FOCAD: variants seen among roughly 807,000 people sequenced by gnomAD.
FOCAD encodes KIAA1797.
In FOCAD, 198 loss-of-function variants were observed where a neutral mutation model predicts 225.6. That is an observed-to-expected ratio of 0.88 (90% confidence interval 0.78 to 0.99). FOCAD has a LOEUF of 0.99. Ranked by LOEUF, FOCAD falls within the 50% of genes least tolerant of loss-of-function variation. FOCAD has a pLI of 0.00. For synonymous variants in FOCAD, 897 were observed against 755.0 expected, an observed-to-expected ratio of 1.19 and a Z score of -3.08; for missense variants, 2,713 against 2,123.6, an observed-to-expected ratio of 1.28 and a Z score of -5.46.
chr9:20,949,626 C>T lies in FOCAD; in HGVS notation c.3899C>T (p.Thr1300Ile). 6.2e-7 allele frequency: 1 copy of T among 1,613,184 alleles called. No homozygotes were observed. ...CAGCTGAAATCAGAAGCCATCCAGACCTCTCATTTTCAAGGCAGACTTAAT... is the reference window on the plus strand; with the variant it reads ...CAGCTGAAATCAGAAGCCATCCAGATCTCTCATTTTCAAGGCAGACTTAAT... ...VMQLKSEAIQ[T>I]SHFQGRLNEV... The change falls in exon 33 of 44, where the codon ACC becomes ATC. Residue 1300 changes from threonine (T) to isoleucine (I), a missense_variant. Coordinates refer to ENST00000338382, the MANE Select transcript of FOCAD (RefSeq NM_001375567.1).
intron 18 of FOCAD, among the ~76,000 whole-genome samples, chr9:20,869,978 A>G (rs1293064764): frequency 1.3e-5 from 2 of 152,162 alleles, no homozygotes; most frequent in African/African-American, 4.8e-5. Flanking sequence ...TATAAAAGCT[A>G]GTTACACTTC....
At chr9:20,922,436 C>T (rs1007895557) in intron 24 of FOCAD, among the ~76,000 whole-genome samples, 6 of 152,062 alleles carry the variant, frequency 3.9e-5, no homozygotes, top group Admixed American at 1.3e-4. Flanking sequence ...GAAGGATGGG[C>T]GAATAGATAG....
At chr9:20,741,563 T>C (rs1827614344) in intron 5 of FOCAD, among the ~76,000 whole-genome samples, 1 of 152,032 alleles carries the variant, frequency 6.6e-6, no homozygotes, top group Non-Finnish European at 1.5e-5. Flanking sequence ...AAGAATGTGG[T>C]ACAATGAATT....
At chr9:20,710,075 C>T (rs2131467333) in intron 1 of FOCAD, among the ~76,000 whole-genome samples, 2 of 152,228 alleles carry the variant, frequency 1.3e-5, no homozygotes, top group Middle Eastern at 6.8e-3. Flanking sequence ...CCCACATCTT[C>T]TTCTGTATAG....
intron 39 of FOCAD, among the ~76,000 whole-genome samples, chr9:20,982,978 G>T (rs752522152): frequency 1.3e-5 from 2 of 152,160 alleles, no homozygotes; most frequent in African/African-American, 2.4e-5. Context: ...TAATACCAAT[G>T]GTCTAGAGAA....
At chr9:20,844,194 G>A (rs1826834950) in intron 15 of FOCAD, among the ~76,000 whole-genome samples, 1 of 151,810 alleles carries the variant, frequency 6.6e-6, no homozygotes, top group Admixed American at 6.6e-5. Flanking sequence ...CACCCAGATG[G>A]CCATTTAGCC....
At chr9:20,794,542 ACT>A (rs1820859406) in intron 11 of FOCAD, among the ~76,000 whole-genome samples, 1 of 152,004 alleles carries the variant, frequency 6.6e-6, no homozygotes, top group Non-Finnish European at 1.5e-5. Context: ...ACACCAGAAA[ACT>A]CTTTCCCTGA....
chr9:20,721,968 T>C (rs1825815320), intron 4 of FOCAD, among the ~76,000 whole-genome samples: 1 of 26,688 alleles, frequency 3.7e-5, no homozygotes, highest in Non-Finnish European at 7.2e-5. Context: ...CTCCCTTCTT[T>C]TTTCTCCCCT....
chr9:20,910,310 C>G (rs184842482), intron 22 of FOCAD, among the ~76,000 whole-genome samples: 1 of 136,960 alleles, frequency 7.3e-6, no homozygotes, highest in East Asian at 2.0e-4. Flanking sequence ...GAAAAGGGCT[C>G]TTTGGAATTG....
At chr9:20,663,202 CAT>C (rs1219361979) in intron 2 of FOCAD, among the ~76,000 whole-genome samples, 1 of 151,860 alleles carries the variant, frequency 6.6e-6, no homozygotes, top group Non-Finnish European at 1.5e-5. Context: ...GCCTGGGCAA[CAT>C]AGTGAGACTG....
intron 2 of FOCAD, among the ~76,000 whole-genome samples, chr9:20,670,995 T>G (rs1490374233): frequency 6.6e-6 from 1 of 152,206 alleles, no homozygotes; most frequent in Admixed American, 6.5e-5. Context: ...AAATACTAAC[T>G]GTATAAGAGA....
intron 18 of FOCAD, among the ~76,000 whole-genome samples, chr9:20,871,009 C>T (rs1338181407): frequency 1.3e-5 from 2 of 151,970 alleles, no homozygotes; most frequent in Admixed American, 6.6e-5. Context: ...TTGAGACCAG[C>T]CTGGCCAGCA....
intron 31 of FOCAD, 84 bp from the exon 32 acceptor site, chr9:20,948,767 A>G (rs1390652396): frequency 6.8e-7 from 1 of 1,460,504 alleles, no homozygotes; most frequent in African/African-American, 1.4e-5. Context: ...TCGACCATTT[A>G]TTTCTCCGTG....
At chr9:20,747,269 T>A (rs998227472) in intron 5 of FOCAD, among the ~76,000 whole-genome samples, 1 of 152,122 alleles carries the variant, frequency 6.6e-6, no homozygotes, top group South Asian at 2.1e-4. Flanking sequence ...CAATCAAGGA[T>A]ATTAAGGAGA....
intron 5 of FOCAD, among the ~76,000 whole-genome samples, chr9:20,753,401 G>A (rs985236814): frequency 1.3e-5 from 2 of 151,882 alleles, no homozygotes; most frequent in Admixed American, 6.6e-5. Flanking sequence ...GGCCTTTTCT[G>A]CATCTATTGA....
intron 1 of FOCAD, among the ~76,000 whole-genome samples, chr9:20,687,787 G>A (rs1040575528): frequency 1.3e-4 from 20 of 152,164 alleles, no homozygotes; most frequent in African/African-American, 4.6e-4. Flanking sequence ...TTACAGTATT[G>A]CATGGACTTC....
intron 1 of FOCAD, among the ~76,000 whole-genome samples, chr9:20,687,558 A>G (rs965563902): frequency 2.0e-5 from 3 of 152,204 alleles, no homozygotes; most frequent in African/African-American, 4.8e-5. Context: ...TTATGTAACC[A>G]AACCTGATTT....
intron 15 of FOCAD, among the ~76,000 whole-genome samples, chr9:20,849,381 G>A (rs1270961893): frequency 6.7e-6 from 1 of 149,708 alleles, no homozygotes; most frequent in Non-Finnish European, 1.5e-5. Flanking sequence ...AACTTTTTCT[G>A]GTTTTTTTTT....
At chr9:20,848,903 A>G (rs951433004) in intron 15 of FOCAD, among the ~76,000 whole-genome samples, 1 of 151,774 alleles carries the variant, frequency 6.6e-6, no homozygotes, top group East Asian at 1.9e-4. Context: ...ACTGTGATAA[A>G]TGTTTTTGTA....
Sources: gnomAD v4.1 joint callset for allele counts (sites outside exome capture counted in the v4.1 genomes callset) on GRCh38, gnomAD v4.1.1 for gene constraint, MANE v1.5 for transcripts, NCBI Gene and HGNC (gene_info 2026-07-23, HGNC 2026-07-21) for gene names.